Variants in EXOC6B observed in about 807,000 individuals in gnomAD.
EXOC6B encodes the protein exocyst complex component 6B, also known as SEC15 homolog B.
EXOC6B carries 54 observed loss-of-function variants against 113.5 expected under a neutral mutation model. That is an observed-to-expected ratio of 0.48 (90% CI 0.38 to 0.60). The LOEUF (loss-of-function observed/expected upper bound fraction) is 0.60. EXOC6B is among the 20% of genes least tolerant of loss of function. The pLI, the probability that EXOC6B is intolerant of heterozygous loss-of-function variation, is 0.00. For synonymous variants in EXOC6B, 357 were observed against 339.0 expected (o/e 1.05, Z -0.58); for missense variants, 797 against 977.5 (o/e 0.82, Z 2.46).
intron 8 of EXOC6B, among the ~76,000 whole-genome samples, chr2:72,553,041 T>G (rs1272275609): frequency 1.3e-5 from 2 of 151,598 alleles, no homozygotes; most frequent in African/African-American, 4.8e-5. Flanking sequence ...TAATGAGATA[T>G]AGGAAAAAAA....
rs11334254 is a variant in EXOC6B, at chr2:72,523,780, CAAAAAAAAAAA to C, written c.916-8665_916-8655del. Among the ~76,000 whole-genome samples the C allele has an allele frequency of 3.3e-4, 21 of 63,734 alleles. No individual in the cohort carries two copies. The East Asian group carries it at 5.1e-3, about 15-fold the overall frequency. 41.8% of individuals were successfully genotyped at this position (63,734 alleles called of 152,430 possible). On this transcript the variant is annotated intron_variant, in intron 8 of 21. Transcript: ENST00000272427. The stretch of plus-strand genomic sequence containing the variant: ...TGGGCGACAGAGCGAGACTCCATCT[CAAAAAAAAAAA>C]AAAAAAAAAAAAAAGATTTACTATG...
chr2:72,683,524 C>T (rs1372141167), intron 6 of EXOC6B, among the ~76,000 whole-genome samples: 2 of 151,858 alleles, frequency 1.3e-5, no homozygotes, highest in African/African-American at 4.8e-5. Flanking sequence ...TAAATGATTC[C>T]CATTTATACA....
intron 6 of EXOC6B, among the ~76,000 whole-genome samples, chr2:72,599,607 G>T (rs1670283430): frequency 6.6e-6 from 1 of 151,924 alleles, no homozygotes; most frequent in East Asian, 1.9e-4. Flanking sequence ...AACTGTCTTT[G>T]TTTGCCAACC....
At chr2:72,639,085 C>T (rs2104328569) in intron 6 of EXOC6B, among the ~76,000 whole-genome samples, 1 of 152,296 alleles carries the variant, frequency 6.6e-6, no homozygotes, top group Non-Finnish European at 1.5e-5. Context: ...CATACTGCAG[C>T]TTCCTCTGGG....
chr2:72,418,557 T>C (rs956122783), intron 18 of EXOC6B, among the ~76,000 whole-genome samples: 6 of 152,214 alleles, frequency 3.9e-5, no homozygotes, highest in Non-Finnish European at 8.8e-5. Context: ...ATTTTATTAA[T>C]ATACATTGTT....
At chr2:72,447,439 G>T (rs1304212969) in intron 18 of EXOC6B, among the ~76,000 whole-genome samples, 2 of 152,048 alleles carry the variant, frequency 1.3e-5, no homozygotes, top group Non-Finnish European at 2.9e-5. Flanking sequence ...AATATATGAA[G>T]GTAGTATGTT....
chr2:72,338,042 T>G (rs1309279957), intron 19 of EXOC6B, among the ~76,000 whole-genome samples: 1 of 152,130 alleles, frequency 6.6e-6, no homozygotes, highest in African/African-American at 2.4e-5. Context: ...ATTCATGAGC[T>G]CCCTAAAATT....
At chr2:72,324,987 T>C (rs1688046253) in intron 20 of EXOC6B, among the ~76,000 whole-genome samples, 1 of 152,172 alleles carries the variant, frequency 6.6e-6, no homozygotes. Context: ...ATCTTGCCTA[T>C]ATAACTAGTC....
intron 1 of EXOC6B, among the ~76,000 whole-genome samples, chr2:72,820,691 T>C (rs1238440747): frequency 6.6e-6 from 1 of 152,018 alleles, no homozygotes; most frequent in Non-Finnish European, 1.5e-5. Flanking sequence ...TAAATCATGA[T>C]AAGGAGATCA....
chr2:72,548,966 C>T (rs1179986235), intron 8 of EXOC6B, among the ~76,000 whole-genome samples: 1 of 151,822 alleles, frequency 6.6e-6, no homozygotes, highest in Admixed American at 6.6e-5. Context: ...GAGCCAAGAT[C>T]GCGCCACTGC....
intron 18 of EXOC6B, among the ~76,000 whole-genome samples, chr2:72,412,394 C>T (rs1346730544): frequency 1.3e-5 from 2 of 152,096 alleles, no homozygotes; most frequent in Non-Finnish European, 2.9e-5. Context: ...AGGTAACAAC[C>T]AGAAGCCCAC....
At chr2:72,691,212 C>G (rs192621072) in intron 6 of EXOC6B, among the ~76,000 whole-genome samples, 36 of 152,140 alleles carry the variant, frequency 2.4e-4, no homozygotes, top group African/African-American at 8.4e-4. Flanking sequence ...AATCAAGGAA[C>G]ACAGAGGATT....
intron 20 of EXOC6B, among the ~76,000 whole-genome samples, chr2:72,332,901 A>G (rs143100793): frequency 6.6e-6 from 1 of 152,202 alleles, no homozygotes; most frequent in Non-Finnish European, 1.5e-5. Context: ...AGAGAGAAAT[A>G]TTTTCAGCAC....
intron 18 of EXOC6B, among the ~76,000 whole-genome samples, chr2:72,393,014 T>C (rs1012588141): frequency 6.6e-6 from 1 of 152,146 alleles, no homozygotes; most frequent in Non-Finnish European, 1.5e-5. Flanking sequence ...CCTATGCACC[T>C]GCAGCTTACA....
chr2:72,290,226 A>G (rs1685698767), intron 20 of EXOC6B, among the ~76,000 whole-genome samples: 1 of 152,196 alleles, frequency 6.6e-6, no homozygotes, highest in South Asian at 2.1e-4. Context: ...CATGTGAGCC[A>G]ATTCCTTATT....
intron 20 of EXOC6B, among the ~76,000 whole-genome samples, chr2:72,215,091 T>C (rs979390204): frequency 2.0e-5 from 3 of 152,222 alleles, no homozygotes; most frequent in Admixed American, 2.0e-4. Flanking sequence ...CGTGGGGACA[T>C]CACATCTCTT....
chr2:72,474,146 T>C (rs942285776), intron 17 of EXOC6B, among the ~76,000 whole-genome samples: 9 of 152,254 alleles, frequency 5.9e-5, no homozygotes, highest in African/African-American at 2.2e-4. Context: ...AGTCTGATGA[T>C]GATTCCTTTA....
At chr2:72,242,627 C>G (rs1009189467) in intron 20 of EXOC6B, among the ~76,000 whole-genome samples, 1 of 152,010 alleles carries the variant, frequency 6.6e-6, no homozygotes, top group Admixed American at 6.5e-5. Context: ...GATATTAATC[C>G]AACAATATCA....
chr2:72,258,089 C>T (rs1683464724), intron 20 of EXOC6B, among the ~76,000 whole-genome samples: 1 of 152,188 alleles, frequency 6.6e-6, no homozygotes, highest in Non-Finnish European at 1.5e-5. Context: ...TAGATTATTA[C>T]ACATTCTTTA....
Sources: gnomAD v4.1 joint callset for allele counts (sites outside exome capture counted in the v4.1 genomes callset) on GRCh38, gnomAD v4.1.1 for gene constraint, MANE v1.5 for transcripts, NCBI Gene and HGNC (gene_info 2026-07-23, HGNC 2026-07-21) for gene names.